Variants in AGBL4 observed in about 807,000 individuals in gnomAD.
The protein encoded by AGBL4 is AGBL carboxypeptidase 4, also known as cytosolic carboxypeptidase 6.
AGBL4 carries 58 observed loss-of-function variants against 66.4 expected under a neutral mutation model. The observed-to-expected ratio is 0.87, with a 90% CI of 0.71 to 1.09. AGBL4 has a LOEUF of 1.09. AGBL4 is among the 50% of genes least tolerant of loss of function. The pLI, the probability that AGBL4 is intolerant of heterozygous loss-of-function variation, is 0.00. For missense variants in AGBL4, 579 were observed against 631.0 expected (o/e 0.92, Z 0.88); for synonymous variants, 234 against 222.9 (o/e 1.05, Z -0.44).
intron 3 of AGBL4, among the ~76,000 whole-genome samples, chr1:49,488,628 C>T (rs1415856535): frequency 6.6e-6 from 1 of 151,702 alleles, no homozygotes; most frequent in Non-Finnish European, 1.5e-5. Flanking sequence ...CTATCAAATA[C>T]CATATCTTAT....
chr1:49,423,529 G>A (rs1051042889), intron 3 of AGBL4, among the ~76,000 whole-genome samples: 2 of 152,076 alleles, frequency 1.3e-5, no homozygotes, highest in Non-Finnish European at 2.9e-5. Context: ...GGGCAACTAG[G>A]CCAGGCATGG....
At chr1:48,977,123 A>G (rs1424181207) in intron 5 of AGBL4, among the ~76,000 whole-genome samples, 1 of 152,126 alleles carries the variant, frequency 6.6e-6, no homozygotes, top group East Asian at 1.9e-4. Flanking sequence ...GTATATAGGA[A>G]GTATAAGGAA....
At chr1:49,027,327 A>AT (rs1306754537) in intron 5 of AGBL4, among the ~76,000 whole-genome samples, 1 of 151,758 alleles carries the variant, frequency 6.6e-6, no homozygotes, top group Non-Finnish European at 1.5e-5. Flanking sequence ...CACACAGCTA[A>AT]TTTTTTTGTA....
chr1:49,564,512 C>G (rs1053642077), intron 3 of AGBL4, among the ~76,000 whole-genome samples: 34 of 151,996 alleles, frequency 2.2e-4, no homozygotes, highest in Admixed American at 4.6e-4. Flanking sequence ...TTGTGTCTTT[C>G]TTCTCGTTGG....
chr1:49,303,356 G>A (rs2148447877), intron 3 of AGBL4, among the ~76,000 whole-genome samples: 1 of 152,220 alleles, frequency 6.6e-6, no homozygotes, highest in African/African-American at 2.4e-5. Context: ...ATTCTGACTG[G>A]TGTGAGATGG....
At chr1:49,744,028 C>A (rs1650786010) in intron 2 of AGBL4, among the ~76,000 whole-genome samples, 1 of 151,792 alleles carries the variant, frequency 6.6e-6, no homozygotes, top group African/African-American at 2.4e-5. Flanking sequence ...ACGTTGTGCA[C>A]ATGTACCCTA....
chr1:49,790,106 C>T (rs1007666764), intron 2 of AGBL4, among the ~76,000 whole-genome samples: 23 of 152,056 alleles, frequency 1.5e-4, no homozygotes, highest in African/African-American at 2.7e-4. Flanking sequence ...AGGCCAGGCA[C>T]GGTGGCTCAC....
At chr1:49,081,655 C>T (rs1316833566) in intron 4 of AGBL4, among the ~76,000 whole-genome samples, 1 of 152,318 alleles carries the variant, frequency 6.6e-6, no homozygotes, top group Non-Finnish European at 1.5e-5. Flanking sequence ...CCCCTATGGG[C>T]TCTGCCCCAT....
At chr1:49,249,383 C>CA (rs1449604598) in intron 3 of AGBL4, among the ~76,000 whole-genome samples, 4 of 150,350 alleles carry the variant, frequency 2.7e-5, no homozygotes, top group South Asian at 2.1e-4. Flanking sequence ...CAATAGCAAA[C>CA]AAAAAAAATT....
intron 3 of AGBL4, among the ~76,000 whole-genome samples, chr1:49,689,100 G>T (rs887336465): frequency 2.3e-4 from 35 of 152,016 alleles, no homozygotes; most frequent in African/African-American, 7.7e-4. Context: ...GTCCATTTTT[G>T]CTTTGGTTGC....
chr1:48,566,051 C>T (rs1644471634), intron 11 of AGBL4, among the ~76,000 whole-genome samples: 1 of 152,198 alleles, frequency 6.6e-6, no homozygotes, highest in African/African-American at 2.4e-5. Flanking sequence ...CAATAATTTC[C>T]TCATGTTACT....
intron 3 of AGBL4, among the ~76,000 whole-genome samples, chr1:49,382,468 A>G (rs1262624642): frequency 1.3e-5 from 2 of 152,258 alleles, no homozygotes. Context: ...ATACCCTTTC[A>G]TGATGAAAAA....
chr1:49,735,024 G>C (rs1195559208), intron 2 of AGBL4, among the ~76,000 whole-genome samples: 1 of 152,014 alleles, frequency 6.6e-6, no homozygotes, highest in Non-Finnish European at 1.5e-5. Flanking sequence ...GGAAAGAATA[G>C]TCTTTCCAAG....
rs537216730 is a variant in AGBL4 at position 49,741,045 on chromosome 1, C to T, written c.158-43608G>A. ...GCTAGCAGAAGGCAAGAAATAACTA[C>T]GATCAGAGCAGAACTGAAGTAGATA... On this transcript the variant is annotated intron_variant, in intron 2 of 13. Transcript: ENST00000371839. Among the ~76,000 whole-genome samples, 97 of 151,796 alleles carry T rather than the reference C, an allele frequency of 6.4e-4. No homozygotes were observed. The Middle Eastern group carries it at 0.01, about 16-fold the overall frequency.
chr1:48,697,961 C>G (rs1042407021), intron 6 of AGBL4, among the ~76,000 whole-genome samples: 1 of 152,238 alleles, frequency 6.6e-6, no homozygotes, highest in Non-Finnish European at 1.5e-5. Context: ...AACTGGATCC[C>G]TCAGCCGGAT....
rs577012763 is a variant in AGBL4 at position 49,274,006 on chromosome 1, C to T, written c.283-28142G>A. On this transcript the variant is annotated intron_variant, in intron 3 of 13. Transcript: ENST00000371839. The stretch of plus-strand genomic sequence containing the variant: ...TGATTTTTGTTTACTTTTAAATAAA[C>T]GCCCAAAAAAGAGAGAAGAGAGACA... Among the ~76,000 whole-genome samples the T allele has an allele frequency of 3.9e-5, 6 of 152,196 alleles. No individual in the cohort carries two copies. In the East Asian group the frequency reaches 9.7e-4, roughly 25 times the overall value.
chr1:49,443,329 C>T (rs1055540247), intron 3 of AGBL4, among the ~76,000 whole-genome samples: 3 of 152,024 alleles, frequency 2.0e-5, no homozygotes, highest in African/African-American at 7.2e-5. Context: ...GTCTTTGTCA[C>T]AAATTATTTG....
intron 6 of AGBL4, among the ~76,000 whole-genome samples, chr1:48,830,432 T>C (rs957085052): frequency 3.3e-5 from 5 of 152,136 alleles, no homozygotes; most frequent in Admixed American, 1.3e-4. Context: ...TAAGAGAAAA[T>C]GAGTTTCTAG....
intron 6 of AGBL4, among the ~76,000 whole-genome samples, chr1:48,840,110 T>G (rs2148795167): frequency 6.6e-6 from 1 of 152,234 alleles, no homozygotes; most frequent in East Asian, 1.9e-4. Flanking sequence ...TGATGTTAAG[T>G]CTAACTCTTC....
Sources: gnomAD v4.1 joint callset for allele counts (sites outside exome capture counted in the v4.1 genomes callset) on GRCh38, gnomAD v4.1.1 for gene constraint, MANE v1.5 for transcripts, NCBI Gene and HGNC (gene_info 2026-07-23, HGNC 2026-07-21) for gene names.